PKIB: variants seen among roughly 807,000 people sequenced by gnomAD.
PKIB encodes PKI-beta.
A neutral mutation model predicts 4.5 loss-of-function variants in PKIB; 2 were observed. The ratio of observed to expected loss-of-function variants is 0.44; its 90% CI spans 0.18 to 1.39. The LOEUF is 1.39. PKIB is among the 40% of genes most tolerant of loss of function. The pLI, the probability that PKIB is intolerant of heterozygous loss-of-function variation, is 0.27. For missense variants in PKIB, 94 were observed against 92.6 expected, an observed-to-expected ratio of 1.02 and a Z score of -0.06; for synonymous variants, 38 against 36.0, an observed-to-expected ratio of 1.06 and a Z score of -0.20.
At chr6:122,716,204 G>C (rs888705963) in intron 3 of PKIB, among the ~76,000 whole-genome samples, 4 of 152,104 alleles carry the variant, frequency 2.6e-5, no homozygotes, top group African/African-American at 9.7e-5. Flanking sequence ...TAGTTACAAA[G>C]AGTTCATTTA....
At chr6:122,566,688 C>G (rs889740993) in intron 2 of PKIB, among the ~76,000 whole-genome samples, 13 of 151,612 alleles carry the variant, frequency 8.6e-5, no homozygotes, top group African/African-American at 2.9e-4. Flanking sequence ...TATCCCCCTG[C>G]ACAAACATCT....
intron 3 of PKIB, among the ~76,000 whole-genome samples, chr6:122,684,384 A>G (rs112008466): frequency 1.8e-4 from 27 of 152,270 alleles, no homozygotes; most frequent in Middle Eastern, 3.4e-3. Flanking sequence ...GAGGAAAAAA[A>G]CACTTTCCCC....
At chr6:122,551,902 A>G (rs1423054920) in intron 2 of PKIB, among the ~76,000 whole-genome samples, 1 of 140,528 alleles carries the variant, frequency 7.1e-6, no homozygotes. Flanking sequence ...TTTTTTTTAC[A>G]ACAAATTATC....
At chr6:122,506,645 G>A (rs1776407360) in intron 2 of PKIB, among the ~76,000 whole-genome samples, 1 of 150,974 alleles carries the variant, frequency 6.6e-6, no homozygotes, top group Admixed American at 6.6e-5. Context: ...ACCAATTAAT[G>A]ACGATTTTAT....
At chr6:122,619,118 A>G (rs1375601413) in intron 1 of PKIB, among the ~76,000 whole-genome samples, 1 of 151,686 alleles carries the variant, frequency 6.6e-6, no homozygotes, top group Non-Finnish European at 1.5e-5. Context: ...TTATTGATAA[A>G]TATATCAACC....
chr6:122,671,793 A>C (rs1777474007), intron 2 of PKIB, among the ~76,000 whole-genome samples: 1 of 152,178 alleles, frequency 6.6e-6, no homozygotes, highest in Non-Finnish European at 1.5e-5. Context: ...GCACCCCCTG[A>C]AATTTTGTGC....
chr6:122,647,765 CT>C (rs1251321895), intron 2 of PKIB, among the ~76,000 whole-genome samples: 11 of 152,298 alleles, frequency 7.2e-5, no homozygotes, highest in African/African-American at 2.4e-4. Flanking sequence ...TACAGAATTG[CT>C]TCTAGAACTG....
At chr6:122,524,822 C>G (rs1313997178) in intron 2 of PKIB, among the ~76,000 whole-genome samples, 1 of 151,666 alleles carries the variant, frequency 6.6e-6, no homozygotes, top group Non-Finnish European at 1.5e-5. Flanking sequence ...GTTGTAATAT[C>G]CCCTCTTTGT....
chr6:122,597,397 G>C (rs1354485216), intron 3 of PKIB, among the ~76,000 whole-genome samples: 1 of 152,176 alleles, frequency 6.6e-6, no homozygotes, highest in Non-Finnish European at 1.5e-5. Context: ...TGGAGAAAAA[G>C]GGATTTACCA....
At chr6:122,685,651 A>C (rs970375049) in intron 3 of PKIB, among the ~76,000 whole-genome samples, 2 of 152,146 alleles carry the variant, frequency 1.3e-5, no homozygotes, top group Non-Finnish European at 2.9e-5. Flanking sequence ...CCTTTGTGTT[A>C]AAAACAATCT....
chr6:122,484,901 A>G (rs1775719322), intron 2 of PKIB, among the ~76,000 whole-genome samples: 1 of 152,232 alleles, frequency 6.6e-6, no homozygotes, highest in Admixed American at 6.5e-5. Flanking sequence ...TATGCGCCAG[A>G]AACAATAGAT....
At chr6:122,509,485 C>T (rs1776521340) in intron 2 of PKIB, among the ~76,000 whole-genome samples, 1 of 151,556 alleles carries the variant, frequency 6.6e-6, no homozygotes, top group South Asian at 2.1e-4. Flanking sequence ...GGCTGGAGTC[C>T]AGTGGTGCGA....
chr6:122,657,097 A>T (rs1309509647), intron 2 of PKIB, among the ~76,000 whole-genome samples: 1 of 152,254 alleles, frequency 6.6e-6, no homozygotes. Context: ...TAGTTAAAGT[A>T]GTGAAGCAGA....
At chr6:122,627,631 C>G (rs1215484818) in intron 1 of PKIB, among the ~76,000 whole-genome samples, 1 of 152,122 alleles carries the variant, frequency 6.6e-6, no homozygotes, top group African/African-American at 2.4e-5. Context: ...AACAATCAAC[C>G]CTGGCATAAA....
At chr6:122,493,517 TTTC>T (rs1775994083) in intron 2 of PKIB, 1 of 152,242 alleles carries the variant, frequency 6.6e-6, no homozygotes, top group South Asian at 2.1e-4. Flanking sequence ...TTTTCCTCAA[TTTC>T]TTCATGTTTC....
chr6:122,632,191 A>G (rs991483098), intron 1 of PKIB, among the ~76,000 whole-genome samples: 14 of 152,174 alleles, frequency 9.2e-5, no homozygotes, highest in Non-Finnish European at 2.9e-5. Context: ...ATAGAATTTG[A>G]TGGTTTATTA....
chr6:122,606,633 G>A (rs1025743240), upstream of PKIB, among the ~76,000 whole-genome samples: 10 of 151,396 alleles, frequency 6.6e-5, no homozygotes, highest in Admixed American at 5.3e-4. Context: ...TTTACAGGAA[G>A]TGATACCCTG....
At chr6:122,588,417 G>GA (rs1163061330) in intron 3 of PKIB, among the ~76,000 whole-genome samples, 2 of 152,000 alleles carry the variant, frequency 1.3e-5, no homozygotes, top group Admixed American at 6.6e-5. Flanking sequence ...CACAGAATTG[G>GA]AAAAAACTAC....
intron 3 of PKIB, among the ~76,000 whole-genome samples, chr6:122,709,586 G>A (rs1414831748): frequency 6.6e-6 from 1 of 151,960 alleles, no homozygotes; most frequent in South Asian, 2.1e-4. Context: ...GAGTTGCAAT[G>A]ATGGAGTCAC....
Sources: gnomAD v4.1 joint callset for allele counts (sites outside exome capture counted in the v4.1 genomes callset) on GRCh38, gnomAD v4.1.1 for gene constraint, MANE v1.5 for transcripts, NCBI Gene and HGNC (gene_info 2026-07-23, HGNC 2026-07-21) for gene names.